The following DUSP13B variants were observed in gnomAD, a reference collection of about 807,000 sequenced individuals.
DUSP13B encodes the protein dual specificity phosphatase 13B.
chr10:75,099,471 G>C, the DUSP13B span: 1 of 1,232,430 alleles, frequency 8.1e-7, no homozygotes. Context: ...GTGGGTGCAG[G>C]GGCAGGACTC....
chr10:75,108,349 T>A, the DUSP13B span: 1 of 1,403,136 alleles, frequency 7.1e-7, no homozygotes, highest in Non-Finnish European at 9.4e-7. Context: ...AAGTGGGGTC[T>A]GACTCCACAG....
the DUSP13B span, chr10:75,095,854 T>G: frequency 2.2e-5 from 34 of 1,550,796 alleles, no homozygotes; most frequent in Non-Finnish European, 2.8e-5. Context: ...GTGGCAGCTC[T>G]GGCTGGGTTG....
the DUSP13B span, among the ~76,000 whole-genome samples, chr10:75,098,243 G>A: frequency 6.6e-6 from 1 of 152,152 alleles, no homozygotes; most frequent in Non-Finnish European, 1.5e-5. Flanking sequence ...AGGGATGAAA[G>A]CCCCAGATGG....
the DUSP13B span, among the ~76,000 whole-genome samples, chr10:75,100,430 G>C: frequency 2.0e-5 from 3 of 152,104 alleles, no homozygotes; most frequent in Admixed American, 2.0e-4. Context: ...CCCCCCCAGG[G>C]ACTCGTCCTT....
chr10:75,094,642 G>C, the DUSP13B span: 1 of 1,609,088 alleles, frequency 6.2e-7, no homozygotes, highest in African/African-American at 1.3e-5. Context: ...GGTGGGGTTG[G>C]GCCAAGGGTC....
the DUSP13B span, chr10:75,108,262 G>T: frequency 6.5e-7 from 1 of 1,540,494 alleles, no homozygotes; most frequent in South Asian, 1.2e-5. Flanking sequence ...GGACCAGGAG[G>T]GAGGCTGTGC....
At chr10:75,102,859 G>A in the DUSP13B span, among the ~76,000 whole-genome samples, 2 of 152,182 alleles carry the variant, frequency 1.3e-5, no homozygotes, top group African/African-American at 2.4e-5. Flanking sequence ...GCCTGAGGCA[G>A]GAGAATCATT....
chr10:75,108,276 G>T, the DUSP13B span: 2 of 1,523,122 alleles, frequency 1.3e-6, no homozygotes, highest in Non-Finnish European at 8.7e-7. Context: ...GCTGTGCCTG[G>T]CCCCCTGCTG....
At chr10:75,095,223 G>A in the DUSP13B span, among the ~76,000 whole-genome samples, 4 of 152,098 alleles carry the variant, frequency 2.6e-5, no homozygotes, top group East Asian at 3.9e-4. Flanking sequence ...CCTTTCCCCC[G>A]AGTTCTGCCC....
the DUSP13B span, among the ~76,000 whole-genome samples, chr10:75,102,230 A>T: frequency 6.6e-6 from 1 of 152,114 alleles, no homozygotes; most frequent in South Asian, 2.1e-4. Context: ...TAATCCCAGC[A>T]CTTTGGGAAA....
the DUSP13B span, among the ~76,000 whole-genome samples, chr10:75,101,681 A>G: frequency 2.4e-4 from 37 of 152,198 alleles, no homozygotes; most frequent in Admixed American, 2.4e-3. Flanking sequence ...TGTGGGAGTC[A>G]GGATTCAAAC....
At chr10:75,102,910 C>T in the DUSP13B span, among the ~76,000 whole-genome samples, 1 of 152,138 alleles carries the variant, frequency 6.6e-6, no homozygotes, top group Non-Finnish European at 1.5e-5. Context: ...TGAGATCACG[C>T]CATTGCACTC....
chr10:75,108,327 C>T, the DUSP13B span: 3 of 1,455,310 alleles, frequency 2.1e-6, no homozygotes, highest in Non-Finnish European at 2.7e-6. Context: ...GAGTCCAACC[C>T]CAGCAAGCTC....
chr10:75,096,569 C>T, the DUSP13B span, among the ~76,000 whole-genome samples: 4 of 148,564 alleles, frequency 2.7e-5, no homozygotes, highest in East Asian at 2.0e-4. Flanking sequence ...ACAGTGAGAC[C>T]CCGCCTCAAA....
chr10:75,095,749 G>C, the DUSP13B span: 75 of 1,614,092 alleles, frequency 4.6e-5, no homozygotes, highest in Non-Finnish European at 5.9e-5. Context: ...TTCACAACGT[G>C]GGTGATTCCC....
the DUSP13B span, chr10:75,105,841 C>G: frequency 1.3e-6 from 2 of 1,550,560 alleles, no homozygotes; most frequent in South Asian, 1.2e-5. Context: ...GCGGCTCACG[C>G]CCACCACACA....
At chr10:75,105,052 C>A in the DUSP13B span, among the ~76,000 whole-genome samples, 1 of 152,096 alleles carries the variant, frequency 6.6e-6, no homozygotes, top group Non-Finnish European at 1.5e-5. Context: ...AGGCTTGAGG[C>A]GAGACAGGCA....
At chr10:75,098,311 C>A in the DUSP13B span, among the ~76,000 whole-genome samples, 11 of 152,176 alleles carry the variant, frequency 7.2e-5, no homozygotes, top group Admixed American at 3.3e-4. Context: ...CATCTCAAGC[C>A]CCCTCACCTG....
At chr10:75,109,032 C>G in the DUSP13B span, 1 of 1,610,422 alleles carries the variant, frequency 6.2e-7, no homozygotes, top group Non-Finnish European at 8.5e-7. Context: ...AAAGGTTGGG[C>G]CAAACTTCGT....
Sources: gnomAD v4.1 joint callset for allele counts (sites outside exome capture counted in the v4.1 genomes callset) on GRCh38, gnomAD v4.1.1 for gene constraint, MANE v1.5 for transcripts, NCBI Gene and HGNC (gene_info 2026-07-23, HGNC 2026-07-21) for gene names.